TMEM106B: variants seen among roughly 807,000 people sequenced by gnomAD.
The protein encoded by TMEM106B is transmembrane protein 106B.
A neutral mutation model predicts 31.1 loss-of-function variants in TMEM106B; 15 were observed. That is an observed-to-expected ratio of 0.48 (90% CI 0.32 to 0.74). The LOEUF is 0.74. Among genes scored for constraint, TMEM106B ranks in the 30% least tolerant of loss-of-function variants. The probability of loss-of-function intolerance (pLI) is 0.03; values close to 1 mark genes in which losing one functional copy is unlikely to be tolerated. For synonymous variants in TMEM106B, 126 were observed against 112.5 expected (o/e 1.12, Z -0.76); for missense variants, 283 against 327.3 (o/e 0.86, Z 1.04).
intron 7 of TMEM106B, 137 bp downstream of exon 7, chr7:12,231,252 A>C (rs781033051): frequency 1.7e-6 from 1 of 605,146 alleles, no homozygotes; most frequent in Non-Finnish European, 2.9e-6. Context: ...CTATGAGTAA[A>C]TATCACCCAC....
chr7:12,218,475 G>C lies in TMEM106B; in HGVS notation c.235G>C (p.Val79Leu). The C allele has an allele frequency of 6.2e-7, 1 of 1,612,582 alleles. No individual in the cohort carries two copies. The highest frequency in any genetic ancestry group is 8.5e-7 in the Non-Finnish European group (1 of 1,179,280). The change falls in exon 3 of 8, where the codon GTG (valine) becomes CTG (leucine). Residue 79 changes from valine (V) to leucine (L), a missense_variant. Val to Leu is a conservative substitution (Grantham distance 32). This residue lies in a region of TMEM106B where 77 missense variants were observed against 89.4 expected (regional missense o/e 0.86). Transcript: ENST00000396668. Reference protein sequence around the residue: ...RIPRGQENQLVALIPYSDQRL... With the variant: ...RIPRGQENQLLALIPYSDQRL... ...ACATTTAGGGCAAGAAAACCAACTG[G>C]TGGCATTGATTCCATATAGTGATCA... is the stretch of plus-strand genomic sequence containing the variant.
intron 4 of TMEM106B, among the ~76,000 whole-genome samples, chr7:12,229,458 GT>G (rs1186662488): frequency 1.3e-5 from 2 of 151,560 alleles, no homozygotes; most frequent in African/African-American, 2.4e-5. Flanking sequence ...TATACATTTT[GT>G]TTTTTTTAAA....
At chr7:12,231,494 G>T in intron 7 of TMEM106B, 1 of 249,994 alleles carries the variant, frequency 4.0e-6, no homozygotes, top group Non-Finnish European at 7.6e-6. Context: ...TATAGGTTTG[G>T]TGTTTTGACC....
intron 3 of TMEM106B, among the ~76,000 whole-genome samples, chr7:12,221,881 G>A (rs866583050): frequency 7.9e-5 from 12 of 152,314 alleles, no homozygotes; most frequent in Admixed American, 5.2e-4. Flanking sequence ...GAACATACCT[G>A]AGGCTGAGGA....
At position 12,215,006 on chromosome 7, in the gene TMEM106B, G is replaced by C; in HGVS notation, c.196G>C (p.Gly66Arg). Residue 66 changes from glycine (G) to arginine (R), a missense_variant, in exon 2 of 8, where the codon GGA becomes CGA. This residue lies in a region of TMEM106B where 77 missense variants were observed against 89.4 expected (regional missense o/e 0.86). Transcript: ENST00000396668. ...TAGTGTCACCTGCCCTACTTGTCAG[G>C]GAACAGGAAGAATTCCTAGGGGTAT... is the stretch of plus-strand genomic sequence containing the variant. ...RDSVTCPTCQGTGRIPRGQEN... is the reference protein window; with the variant it reads ...RDSVTCPTCQRTGRIPRGQEN... 5 of 1,613,796 alleles carry C rather than the reference G, an allele frequency of 3.1e-6. No individual in the cohort carries two copies. Among genetic ancestry groups the C allele is most frequent in the Non-Finnish European group, 4.2e-6 (5 of 1,179,842 alleles).
At chr7:12,218,402 C>A in intron 2 of TMEM106B, 56 bp from the exon 3 acceptor site, 2 of 1,422,156 alleles carry the variant, frequency 1.4e-6, no homozygotes, top group Non-Finnish European at 2.0e-6. Flanking sequence ...TGATGGGGAG[C>A]CATTATATTT....
Sources: gnomAD v4.1 joint callset for allele counts (sites outside exome capture counted in the v4.1 genomes callset) on GRCh38, gnomAD v4.1.1 for gene constraint, gnomAD v4.1.1 regional missense constraint, MANE v1.5 for transcripts, NCBI Gene and HGNC (gene_info 2026-07-23, HGNC 2026-07-21) for gene names.